SZRD1: variants seen among roughly 807,000 people sequenced by gnomAD.
SZRD1 encodes SUZ RNA-binding domain-containing.
SZRD1 carries 7 observed loss-of-function variants against 17.6 expected under a neutral mutation model. The ratio of observed to expected loss-of-function variants is 0.40; its 90% confidence interval spans 0.23 to 0.75. The LOEUF is 0.75. SZRD1 is among the 30% of genes least tolerant of loss of function. SZRD1 has a pLI of 0.38. For synonymous variants in SZRD1, 77 were observed against 77.9 expected (o/e 0.99, Z 0.06); for missense variants, 178 against 201.8 (o/e 0.88, Z 0.71).
At chr1:16,387,411 C>T (rs187975868) in intron 1 of SZRD1, 137 of 448,102 alleles carry the variant, frequency 3.1e-4, no homozygotes, top group Non-Finnish European at 5.9e-4. Flanking sequence ...ATTTGGCTCT[C>T]GCAGCGATAT....
chr1:16,381,487 G>A (rs1570019919), intron 1 of SZRD1, among the ~76,000 whole-genome samples: 1 of 151,226 alleles, frequency 6.6e-6, no homozygotes, highest in East Asian at 2.0e-4. Context: ...AACCCCTGAG[G>A]TGGAGGTTGC....
chr1:16,383,024 T>C (rs113717163), intron 1 of SZRD1, among the ~76,000 whole-genome samples: 2,478 of 151,588 alleles, frequency 0.016, 55 homozygotes, highest in African/African-American at 0.057. Context: ...CGCCACCACG[T>C]CCGGCTAATT....
rs113926409 is a variant in SZRD1, at chr1:16,396,197, G to A, written c.*1057G>A. On this transcript the variant is annotated 3_prime_UTR_variant, in exon 4 of 4. Coordinates refer to ENST00000401088, the MANE Select transcript of SZRD1 (RefSeq NM_001114600.3). ...TCCAGGACTCTGAGCCTTCTGCCTC[G>A]TATGTTCAGAAGGTGGATAGGTCTT... 5,268 of 152,504 alleles carry A rather than the reference G, an allele frequency of 0.035. 114 individuals are homozygous for A. Among genetic ancestry groups the A allele is most frequent in the South Asian group, 0.053 (257 of 4,822 alleles). The allele number at this position is 152,504 out of a possible 1,614,324, so 9.4% of individuals were successfully genotyped here. A position where few individuals can be genotyped will look rare whatever the true frequency, so the allele number is the denominator to read the frequency against.
chr1:16,373,761 A>G (rs1193078796), intron 1 of SZRD1, among the ~76,000 whole-genome samples: 3 of 151,322 alleles, frequency 2.0e-5, no homozygotes, highest in East Asian at 3.9e-4. Flanking sequence ...GCGCCACCAC[A>G]CCTGACTATT....
chr1:16,372,562 A>C (rs61770587), intron 1 of SZRD1, among the ~76,000 whole-genome samples: 12,406 of 152,278 alleles, frequency 0.081, 689 homozygotes, highest in Non-Finnish European at 0.12. Context: ...ACCAGTGGTT[A>C]TTATAAAGCA....
chr1:16,369,577 C>T (rs533012253), intron 1 of SZRD1: 292 of 664,310 alleles, frequency 4.4e-4, no homozygotes, highest in Non-Finnish European at 6.3e-4. Flanking sequence ...CTATCCCTTA[C>T]TTTAGTAATA....
intron 1 of SZRD1, among the ~76,000 whole-genome samples, chr1:16,377,562 C>CAAAAAAAAAAA (rs34066824): frequency 1.9e-4 from 12 of 62,050 alleles, no homozygotes; most frequent in Non-Finnish European, 3.5e-4. Flanking sequence ...GACTCTGTCT[C>CAAAAAAAAAAA]AAAAAAAAAA....
chr1:16,367,307 G>A lies in SZRD1; in HGVS notation c.50G>A (p.Gly17Glu). 1 of 1,548,754 alleles carries A rather than the reference G, an allele frequency of 6.5e-7. No individual in the cohort carries two copies. The highest frequency in any genetic ancestry group is 8.7e-7 in the Non-Finnish European group (1 of 1,146,516). Residue 17 changes from glycine (G) to glutamate (E), a missense_variant and splice_region_variant, in exon 1 of 4, where the codon GGG (glycine) becomes GAG (glutamate). Around this residue, in one of 3 missense-constraint regions of SZRD1, gnomAD observed 117 missense variants for 108.7 expected, o/e 1.08. Coordinates refer to ENST00000401088, the MANE Select transcript of SZRD1 (RefSeq NM_001114600.3). ...AGCTGGGAAGAGGCGGCAGACAGCG[G>A]GGTAAGGAGGAGCCGCCGTCCCATG... ...AESWEEAADS[G>E]EIDRRLEKKL... is the part of the protein sequence containing the mutation.
rs962098933 is a variant in SZRD1, at chr1:16,367,726, A to G, written c.51+418A>G. The G allele has an allele frequency of 2.7e-5, 5 of 186,124 alleles. No individual in the cohort carries two copies. The South Asian group carries it at 7.1e-4, about 26-fold the overall frequency. The allele number at this position is 186,124 out of a possible 1,614,324, so 11.5% of individuals were successfully genotyped here. On this transcript the variant is annotated intron_variant, in intron 1 of 3. Transcript: ENST00000401088. ...GTGGTGGTGGGGCTTGCGCGGACCA[A>G]GGAGGCATGTCCGGCTTCGCAGGAA... is the stretch of plus-strand genomic sequence containing the variant.
chr1:16,367,256 A>G lies in SZRD1; in HGVS notation c.-2A>G. 1.9e-6 allele frequency: 3 copies of G among 1,548,532 alleles called. No homozygotes were observed. Among genetic ancestry groups the G allele is most frequent in the Non-Finnish European group, 2.6e-6 (3 of 1,146,442 alleles). ...GGGGGAGGAGGGAAAGCGGCGAGTA[A>G]GATGGAAGATGAGGAGGTCGCTGAG... On this transcript the variant is annotated 5_prime_UTR_variant, in exon 1 of 4. Transcript: ENST00000401088.
intron 1 of SZRD1, among the ~76,000 whole-genome samples, chr1:16,373,544 A>C (rs1244918447): frequency 1.4e-5 from 2 of 145,476 alleles, no homozygotes; most frequent in African/African-American, 5.2e-5. Context: ...GCACCATTGC[A>C]CTCCAGCCTG....
At chr1:16,387,029 TAAA>T in intron 1 of SZRD1, 1 of 281,220 alleles carries the variant, frequency 3.6e-6, no homozygotes, top group Non-Finnish European at 7.0e-6. Flanking sequence ...GACAGAAGGA[TAAA>T]AGCTACTTTG....
In SZRD1 at chr1:16,397,898, C is replaced by T. The variant is rs1320302776; in HGVS notation, c.*2758C>T. ...GGCTGGCAGGGCTGTACCCAGCCTC[C>T]CTGGTAAGCAGAGACTCAAGAAACC... On this transcript the variant is annotated 3_prime_UTR_variant, in exon 4 of 4. Transcript: ENST00000401088. The surrounding 1 kb of genome is among the most constrained non-coding windows in gnomAD (Gnocchi z 5.4). 5 of 426,716 alleles carry T rather than the reference C, an allele frequency of 1.2e-5. No homozygotes were observed. The highest frequency in any genetic ancestry group is 1.1e-4 in the African/African-American group (5 of 46,670). The allele number at this position is 426,716 out of a possible 1,614,324, so 26.4% of individuals were successfully genotyped here.
intron 1 of SZRD1, among the ~76,000 whole-genome samples, chr1:16,376,288 C>T (rs2083001805): frequency 6.6e-6 from 1 of 152,154 alleles, no homozygotes; most frequent in African/African-American, 2.4e-5. Flanking sequence ...TCCTTTGAAG[C>T]ATTTCATTTG....
intron 1 of SZRD1, among the ~76,000 whole-genome samples, chr1:16,388,405 CAAATATAT>C (rs148805388): frequency 0.15 from 23,085 of 151,904 alleles, 2,177 homozygotes; most frequent in African/African-American, 0.27. Context: ...CATGCCCAGC[CAAATATAT>C]AAATATATTT....
intron 1 of SZRD1, among the ~76,000 whole-genome samples, chr1:16,382,731 G>A (rs899350694): frequency 1.3e-5 from 2 of 152,134 alleles, no homozygotes; most frequent in African/African-American, 2.4e-5. Flanking sequence ...CTGACCTCAG[G>A]TGATCCGCCA....
Position 16,393,460 on chromosome 1 carries a change from C to G in SZRD1, c.334C>G (p.Gln112Glu), listed in dbSNP as rs1321748172. Residue 112 changes from glutamine to glutamate, a missense_variant, in exon 3 of 4, where the codon CAG (glutamine) becomes GAG (glutamate). By Grantham distance (29) the Gln-to-Glu change is conservative (BLOSUM62 2). Around this residue, in one of 3 missense-constraint regions of SZRD1, gnomAD observed 57 missense variants for 71.9 expected, o/e 0.79. Coordinates refer to ENST00000401088, the MANE Select transcript of SZRD1 (RefSeq NM_001114600.3). The surrounding 1 kb of genome is among the most constrained non-coding windows in gnomAD (Gnocchi z 5.6). ...GGGCAGCGCCAGCCCCGAGGAGGAGCAGGAGAAACCCATCCTCGACAGGTG... is the reference window on the plus strand; with the variant it reads ...GGGCAGCGCCAGCCCCGAGGAGGAGGAGGAGAAACCCATCCTCGACAGGTG... ...ILGSASPEEE[Q>E]EKPILDRPTR... 3.1e-6 allele frequency: 5 copies of G among 1,612,840 alleles called. No individual in the cohort carries two copies. In the African/African-American group the frequency reaches 6.7e-5, roughly 22 times the overall value.
chr1:16,395,384 G>A lies in SZRD1; in HGVS notation c.*244G>A. On this transcript the variant is annotated 3_prime_UTR_variant, in exon 4 of 4. Coordinates refer to ENST00000401088, the MANE Select transcript of SZRD1 (RefSeq NM_001114600.3). ...AGGGCTGTCCCAAGTCAATGGAAAG[G>A]GAAAGGGTGGGGGTTAGGGGAAGGT... 1 of 525,254 alleles carries A rather than the reference G, an allele frequency of 1.9e-6. No individual in the cohort carries two copies. The highest frequency in any genetic ancestry group is 2.0e-5 in the South Asian group (1 of 49,718). 32.5% of individuals were successfully genotyped at this position (525,254 alleles called of 1,614,324 possible). A position where few individuals can be genotyped will look rare whatever the true frequency, so the allele number is the denominator to read the frequency against.
At chr1:16,382,439 C>T (rs899619665) in intron 1 of SZRD1, among the ~76,000 whole-genome samples, 5 of 151,290 alleles carry the variant, frequency 3.3e-5, no homozygotes, top group South Asian at 2.1e-4. Context: ...CCGCCCACTT[C>T]GGCCTCCCAA....
Sources: allele counts gnomAD v4.1 joint callset (sites outside exome capture counted in the v4.1 genomes callset), GRCh38; gene constraint gnomAD v4.1.1; regional missense constraint gnomAD v4.1.1; non-coding constraint Gnocchi (gnomAD v3.1); transcripts MANE v1.5; gene names NCBI Gene and HGNC (gene_info 2026-07-23, HGNC 2026-07-21).